TSPAN18: variants seen among roughly 807,000 people sequenced by gnomAD.
TSPAN18 encodes tetraspanin-18.
A neutral mutation model predicts 27.3 loss-of-function variants in TSPAN18; 14 were observed. The ratio of observed to expected loss-of-function variants is 0.51; its 90% CI spans 0.34 to 0.80. The LOEUF (loss-of-function observed/expected upper bound fraction) is 0.80, where lower values mean the gene tolerates loss of function less well. Ranked by LOEUF, TSPAN18 falls within the 30% of genes least tolerant of loss-of-function variation. The pLI is 0.01. For synonymous variants in TSPAN18, 143 were observed against 136.5 expected (o/e 1.05, Z -0.33); for missense variants, 268 against 323.9 (o/e 0.83, Z 1.32).
At chr11:44,922,687 T>C (rs1039724140) in intron 8 of TSPAN18, among the ~76,000 whole-genome samples, 6 of 151,652 alleles carry the variant, frequency 4.0e-5, no homozygotes, top group East Asian at 3.9e-4. Flanking sequence ...CTGAGAAATG[T>C]TCAGGAGGCA....
chr11:44,769,454 A>G (rs1230475139), intron 2 of TSPAN18, among the ~76,000 whole-genome samples: 1 of 152,210 alleles, frequency 6.6e-6, no homozygotes, highest in Non-Finnish European at 1.5e-5. Flanking sequence ...ATTCTGGAAG[A>G]GATTATTGAG....
intron 2 of TSPAN18, among the ~76,000 whole-genome samples, chr11:44,769,534 C>CT (rs1236625008): frequency 2.0e-5 from 3 of 152,110 alleles, no homozygotes; most frequent in Non-Finnish European, 4.4e-5. Flanking sequence ...CTGATACTTT[C>CT]TTTTTTGCAA....
At chr11:44,891,285 G>A (rs1172267207) in intron 3 of TSPAN18, among the ~76,000 whole-genome samples, 2 of 152,216 alleles carry the variant, frequency 1.3e-5, no homozygotes, top group Non-Finnish European at 2.9e-5. Context: ...GGGTGGGGGT[G>A]GATGGGAGAG....
At chr11:44,758,586 C>A (rs928481243) in intron 1 of TSPAN18, among the ~76,000 whole-genome samples, 1 of 152,138 alleles carries the variant, frequency 6.6e-6, no homozygotes, top group East Asian at 1.9e-4. Context: ...CAGAAAGTAG[C>A]GGCAGATTAT....
At chr11:44,753,967 G>A (rs557028916) in intron 1 of TSPAN18, among the ~76,000 whole-genome samples, 1 of 152,222 alleles carries the variant, frequency 6.6e-6, no homozygotes, top group South Asian at 2.1e-4. Context: ...CGAGCTCTCT[G>A]GTTTTCTAAC....
intron 3 of TSPAN18, chr11:44,897,759 G>T (rs750457163): frequency 7.8e-7 from 1 of 1,288,658 alleles, no homozygotes; most frequent in Non-Finnish European, 1.0e-6. Context: ...AAGCTGGGCC[G>T]ATAAAAGAAA....
chr11:44,834,008 C>T (rs910843917), intron 2 of TSPAN18, among the ~76,000 whole-genome samples: 3 of 151,410 alleles, frequency 2.0e-5, no homozygotes, highest in African/African-American at 7.3e-5. Context: ...TGGCGGCTTC[C>T]TAGATAATTA....
At position 44,912,758 on chromosome 11, in the gene TSPAN18, C is replaced by T. The variant is rs555229658; in HGVS notation, c.258+2859C>T. 1.2e-4 allele frequency among the ~76,000 whole-genome samples: 18 copies of T among 152,058 alleles called. No individual in the cohort carries two copies. In the South Asian group the frequency reaches 3.5e-3, roughly 30 times the overall value. ...GTGTGCATTGCTTTGTGCATATGTACACGTGCATGGGTGTTGTATGTGCAT... is the reference window on the plus strand; with the variant it reads ...GTGTGCATTGCTTTGTGCATATGTATACGTGCATGGGTGTTGTATGTGCAT... On this transcript the variant is annotated intron_variant, in intron 5 of 9. Transcript: ENST00000520358.
chr11:44,905,974 G>T (rs1449844530), intron 3 of TSPAN18, among the ~76,000 whole-genome samples: 2 of 152,136 alleles, frequency 1.3e-5, no homozygotes, highest in Admixed American at 1.3e-4. Flanking sequence ...TCTGGTCCAG[G>T]CTCTGGGCCT....
chr11:44,847,278 G>A (rs888001772), intron 2 of TSPAN18, among the ~76,000 whole-genome samples: 1 of 152,198 alleles, frequency 6.6e-6, no homozygotes, highest in Admixed American at 6.5e-5. Flanking sequence ...AAGGGTACAG[G>A]CCCTGGGCTC....
chr11:44,790,107 GGCTCTAAGGGGTGTGACT>G (rs1334783401), intron 2 of TSPAN18, among the ~76,000 whole-genome samples: 3 of 152,188 alleles, frequency 2.0e-5, no homozygotes, highest in African/African-American at 7.2e-5. Flanking sequence ...TTCACTGCTG[GGCTCTAAGGGGTGTGACT>G]GCTGCATGTT....
intron 3 of TSPAN18, among the ~76,000 whole-genome samples, chr11:44,887,281 C>T (rs1174922346): frequency 6.6e-6 from 1 of 152,186 alleles, no homozygotes. Context: ...GCAATGCCTA[C>T]TTGATAGGGA....
At chr11:44,853,680 C>A (rs548788687) in intron 2 of TSPAN18, among the ~76,000 whole-genome samples, 2 of 152,336 alleles carry the variant, frequency 1.3e-5, no homozygotes, top group South Asian at 2.1e-4. Flanking sequence ...CTGCTGGTAA[C>A]CCCCGCCCCA....
At position 44,909,236 on chromosome 11, in the gene TSPAN18, A is replaced by G. The variant is rs561609085; in HGVS notation, c.64-469A>G. Among the ~76,000 whole-genome samples, 6 of 152,298 alleles carry G rather than the reference A, an allele frequency of 3.9e-5. No individual in the cohort carries two copies. In the South Asian group the frequency reaches 6.2e-4, roughly 16 times the overall value. ...ACACAGCATAGGGCTGACTCAGAGC[A>G]TGTTCATGGACCTTTGTTTAGGGTG... On this transcript the variant is annotated intron_variant, in intron 4 of 9. Coordinates refer to ENST00000520358, the MANE Select transcript of TSPAN18 (RefSeq NM_130783.5).
chr11:44,868,123 G>A (rs765033227), intron 3 of TSPAN18, among the ~76,000 whole-genome samples: 2 of 152,104 alleles, frequency 1.3e-5, no homozygotes, highest in Admixed American at 6.5e-5. Context: ...CGGGTGCAGC[G>A]TGGATACCCG....
At chr11:44,925,717 G>T (rs1860328417) in intron 8 of TSPAN18, 1 of 152,202 alleles carries the variant, frequency 6.6e-6, no homozygotes, top group Admixed American at 6.5e-5. Flanking sequence ...TCCCTTGCAG[G>T]TTCTCAGCCT....
chr11:44,919,159 G>T (rs1187380012), intron 6 of TSPAN18, 55 bp from the exon 7 acceptor site: 2 of 1,395,454 alleles, frequency 1.4e-6, no homozygotes, highest in Non-Finnish European at 2.0e-6. Context: ...ACGATGGAGG[G>T]TGGGGGCTGC....
chr11:44,740,651 A>G (rs1043398309), intron 1 of TSPAN18, among the ~76,000 whole-genome samples: 8 of 152,094 alleles, frequency 5.3e-5, no homozygotes, highest in Non-Finnish European at 1.0e-4. Context: ...TGCCCCCACA[A>G]CCCCATCCTA....
chr11:44,925,375 G>A (rs985886077), intron 8 of TSPAN18, among the ~76,000 whole-genome samples: 1 of 152,182 alleles, frequency 6.6e-6, no homozygotes, highest in African/African-American at 2.4e-5. Flanking sequence ...CGTCGTGCCG[G>A]TGGGGTCTGT....
Sources: gnomAD v4.1 joint callset for allele counts (sites outside exome capture counted in the v4.1 genomes callset) on GRCh38, gnomAD v4.1.1 for gene constraint, MANE v1.5 for transcripts, NCBI Gene and HGNC (gene_info 2026-07-23, HGNC 2026-07-21) for gene names.